The following PAK1 variants were observed in gnomAD, a reference collection of about 807,000 sequenced individuals.
PAK1 encodes the protein serine/threonine-protein kinase PAK 1.
Under a neutral mutation model 67.4 loss-of-function variants are expected in PAK1, and 29 were observed. The observed-to-expected ratio is 0.43, with a 90% CI of 0.32 to 0.59. The LOEUF is 0.59. Ranked by LOEUF, PAK1 falls within the 20% of genes least tolerant of loss-of-function variation. The pLI is 0.07. For synonymous variants in PAK1, 223 were observed against 237.4 expected (o/e 0.94, Z 0.56); for missense variants, 337 against 670.7 (o/e 0.50, Z 5.50).
At chr11:77,498,920 C>T in the PAK1 span, among the ~76,000 whole-genome samples, 1 of 151,710 alleles carries the variant, frequency 6.6e-6, no homozygotes, top group Admixed American at 6.6e-5. Flanking sequence ...AGGGTGGTCT[C>T]GAACTCCTGA....
chr11:77,492,497 A>G, the PAK1 span, among the ~76,000 whole-genome samples: 5 of 151,290 alleles, frequency 3.3e-5, no homozygotes, highest in African/African-American at 9.7e-5. Flanking sequence ...GTCTCTGCCC[A>G]GGGTATTAGG....
At chr11:77,336,350 G>A in intron 12 of PAK1, 68 bp from the exon 13 acceptor site, 5 of 1,222,040 alleles carry the variant, frequency 4.1e-6, no homozygotes, top group Non-Finnish European at 5.9e-6. Context: ...AGTGTTGACT[G>A]TGTACCTACA....
chr11:77,353,332 T>C (rs1945543248), intron 8 of PAK1: 3 of 482,678 alleles, frequency 6.2e-6, no homozygotes, highest in Non-Finnish European at 7.4e-6. Context: ...TTTAGCAACA[T>C]GGTCAGCTAA....
At chr11:77,473,283 T>TGGGAG (rs1957955568) in intron 1 of PAK1, 1 of 145,782 alleles carries the variant, frequency 6.9e-6, no homozygotes, top group Non-Finnish European at 1.5e-5. Flanking sequence ...GCCCCGCCCC[T>TGGGAG]TCCCTCTCCC....
chr11:77,479,472 A>G (rs528142499), upstream of PAK1, among the ~76,000 whole-genome samples: 1 of 152,276 alleles, frequency 6.6e-6, no homozygotes, highest in South Asian at 2.1e-4. Flanking sequence ...GAAGAAGAGG[A>G]AAGGAAGAGC....
chr11:77,529,577 G>A, the PAK1 span, among the ~76,000 whole-genome samples: 1 of 152,182 alleles, frequency 6.6e-6, no homozygotes, highest in Non-Finnish European at 1.5e-5. Flanking sequence ...TAAACAAAGG[G>A]GAAGGCCTGG....
intron 14 of PAK1, among the ~76,000 whole-genome samples, chr11:77,330,974 A>C (rs1355291176): frequency 6.6e-6 from 1 of 152,242 alleles, no homozygotes; most frequent in Non-Finnish European, 1.5e-5. Flanking sequence ...AAGTGGGCGA[A>C]GGATATGAAC....
At chr11:77,483,540 G>T in the PAK1 span, among the ~76,000 whole-genome samples, 1 of 152,196 alleles carries the variant, frequency 6.6e-6, no homozygotes, top group Non-Finnish European at 1.5e-5. Context: ...TTGTTGTTTG[G>T]GGGTAAGAGC....
At chr11:77,520,568 A>G in the PAK1 span, among the ~76,000 whole-genome samples, 70 of 152,286 alleles carry the variant, frequency 4.6e-4, 1 homozygote, top group Admixed American at 1.7e-3. Flanking sequence ...TGGGTTCCCT[A>G]CCCCAAGCCC....
chr11:77,489,338 G>A, the PAK1 span, among the ~76,000 whole-genome samples: 1 of 152,150 alleles, frequency 6.6e-6, no homozygotes, highest in Non-Finnish European at 1.5e-5. Context: ...AGAAAAGGAT[G>A]TTAATGGGCT....
At chr11:77,376,320 A>C (rs1382074820) in intron 4 of PAK1, among the ~76,000 whole-genome samples, 2 of 152,250 alleles carry the variant, frequency 1.3e-5, no homozygotes, top group African/African-American at 2.4e-5. Flanking sequence ...GAGCAAAATG[A>C]GGTGCAGAAA....
intron 4 of PAK1, among the ~76,000 whole-genome samples, 161 bp from the exon 5 acceptor site, chr11:77,374,526 A>T (rs571554238): frequency 1.3e-5 from 2 of 152,340 alleles, no homozygotes; most frequent in East Asian, 3.9e-4. Flanking sequence ...TGCATTATAC[A>T]TATCACCTTC....
chr11:77,375,670 T>C (rs1408577670), intron 4 of PAK1, among the ~76,000 whole-genome samples: 1 of 152,180 alleles, frequency 6.6e-6, no homozygotes, highest in Non-Finnish European at 1.5e-5. Flanking sequence ...TTAGACTTCA[T>C]AAAATTTGAA....
chr11:77,492,607 T>C, the PAK1 span, among the ~76,000 whole-genome samples: 1 of 145,358 alleles, frequency 6.9e-6, no homozygotes, highest in African/African-American at 2.5e-5. Context: ...GGTGGCACAA[T>C]CATAGCTCAC....
chr11:77,356,005 A>G, intron 6 of PAK1, 163 bp from the exon 7 acceptor site: 1 of 565,880 alleles, frequency 1.8e-6, no homozygotes, highest in Non-Finnish European at 3.1e-6. Flanking sequence ...AGGCCCACCC[A>G]TTCTGGGTAA....
chr11:77,375,110 G>A (rs1000861150), intron 4 of PAK1, among the ~76,000 whole-genome samples: 2 of 152,116 alleles, frequency 1.3e-5, no homozygotes, highest in African/African-American at 2.4e-5. Context: ...TTGTATATGC[G>A]GTCTGTTGTT....
At chr11:77,458,004 C>G (rs1957155734) in intron 1 of PAK1, among the ~76,000 whole-genome samples, 1 of 152,134 alleles carries the variant, frequency 6.6e-6, no homozygotes, top group Non-Finnish European at 1.5e-5. Flanking sequence ...AGGTAGCCAT[C>G]ATAGGAATAT....
chr11:77,484,401 G>C, the PAK1 span, among the ~76,000 whole-genome samples: 3 of 152,110 alleles, frequency 2.0e-5, no homozygotes, highest in Non-Finnish European at 2.9e-5. Flanking sequence ...ATACCCCCTC[G>C]GGTGGATGTG....
chr11:77,513,105 A>G, the PAK1 span, among the ~76,000 whole-genome samples: 1 of 152,262 alleles, frequency 6.6e-6, no homozygotes, highest in East Asian at 1.9e-4. Context: ...AAAAGAAAAG[A>G]AAATGAGATT....
Sources: allele counts gnomAD v4.1 joint callset (sites outside exome capture counted in the v4.1 genomes callset), GRCh38; gene constraint gnomAD v4.1.1; transcripts MANE v1.5; gene names NCBI Gene and HGNC (gene_info 2026-07-23, HGNC 2026-07-21).